LAMP2: variants seen among roughly 807,000 people sequenced by gnomAD.
LAMP2 encodes lysosome-associated membrane glycoprotein 2.
Under a neutral mutation model 25.6 loss-of-function variants are expected in LAMP2, and 4 were observed. That is an observed-to-expected ratio of 0.16 (90% CI 0.08 to 0.36). The LOEUF is 0.36. Ranked by LOEUF, LAMP2 falls within the 10% of genes least tolerant of loss-of-function variation. LAMP2 has a pLI of 1.00. For synonymous variants in LAMP2, 108 were observed against 112.7 expected (o/e 0.96, Z 0.27); for missense variants, 272 against 301.4 (o/e 0.90, Z 0.72).
chrX:120,439,658 C>T (rs1367877089), intron 8 of LAMP2, among the ~76,000 whole-genome samples: 1 of 109,102 alleles, frequency 9.2e-6, no homozygotes. Context: ...ATATAATGCA[C>T]ACATTATATA....
intron 8 of LAMP2, chrX:120,436,547 C>G: frequency 1.4e-6 from 1 of 731,880 alleles, no homozygotes; most frequent in Admixed American, 8.6e-5. Flanking sequence ...TTTGAGCAAA[C>G]AGACAGGCAA....
At position 120,429,240 on chromosome X, in the gene LAMP2, GTTGCAGTCCATTCCA is replaced by G. The variant is rs1163266130; in HGVS notation, c.*2068_*2082del. The G allele has an allele frequency of 4.0e-6, 3 of 745,167 alleles. No homozygotes were observed. The highest frequency in any genetic ancestry group is 4.7e-6 in the Non-Finnish European group (3 of 638,300). 61.4% of individuals were successfully genotyped at this position (745,167 alleles called of 1,213,427 possible). A position where few individuals can be genotyped will look rare whatever the true frequency, so the allele number is the denominator to read the frequency against. On this transcript the variant is annotated 3_prime_UTR_variant, in exon 9 of 9. Transcript: ENST00000200639. ...GAAGAATAACAGCAGTATCTAATGC[GTTGCAGTCCATTCCA>G]CCGAACCACCAGGAAAGCAACATGT...
intron 1 of LAMP2, 94 bp downstream of exon 1, chrX:120,469,012 C>A: frequency 1.0e-6 from 1 of 996,199 alleles, no homozygotes. Flanking sequence ...GCCTCTCAAC[C>A]CCCTCCCCCT....
chrX:120,426,941 C>T lies in LAMP2; in HGVS notation c.*4382G>A, dbSNP rs1356842381. ...TTTCTACTCCAGTTTTTGAGATGTA[C>T]ATGTTTTTGAGATGTACATATAGAG... is the stretch of plus-strand genomic sequence containing the variant. On this transcript the variant is annotated 3_prime_UTR_variant, in exon 9 of 9. Coordinates refer to ENST00000200639, the MANE Select transcript of LAMP2 (RefSeq NM_002294.3). Among the ~76,000 whole-genome samples the T allele has an allele frequency of 8.9e-6, 1 of 111,863 alleles. No homozygotes were observed. Among genetic ancestry groups the T allele is most frequent in the Admixed American group, 9.5e-5 (1 of 10,512 alleles).
At chrX:120,440,220 T>C (rs778250703) in intron 8 of LAMP2, among the ~76,000 whole-genome samples, 107 of 111,672 alleles carry the variant, frequency 9.6e-4, no homozygotes, top group Non-Finnish European at 1.5e-3. Context: ...ACTTAGTACA[T>C]ACAATTTTAG....
At chrX:120,457,688 T>C (rs1334209920) in intron 1 of LAMP2, among the ~76,000 whole-genome samples, 2 of 112,418 alleles carry the variant, frequency 1.8e-5, no homozygotes, top group Non-Finnish European at 3.8e-5. Flanking sequence ...AAAATACTAA[T>C]TCAGAGGAGA....
intron 8 of LAMP2, chrX:120,439,122 CTTTTG>C: frequency 8.3e-7 from 1 of 1,208,669 alleles, no homozygotes; most frequent in South Asian, 1.8e-5. Flanking sequence ...TTGCTTTTTT[CTTTTG>C]TAACAGAGAT....
At chrX:120,453,864 C>T (rs746635496) in intron 3 of LAMP2, among the ~76,000 whole-genome samples, 3 of 112,257 alleles carry the variant, frequency 2.7e-5, no homozygotes, top group Non-Finnish European at 3.8e-5. Flanking sequence ...TATTTTAACA[C>T]GCATTTCAGT....
intron 8 of LAMP2, chrX:120,437,746 A>G: frequency 1.6e-5 from 12 of 748,705 alleles, no homozygotes; most frequent in Non-Finnish European, 1.9e-5. Flanking sequence ...AAGCCAAATT[A>G]GTGATGTTGT....
At chrX:120,434,382 A>C (rs910309353) in intron 8 of LAMP2, among the ~76,000 whole-genome samples, 1 of 112,028 alleles carries the variant, frequency 8.9e-6, no homozygotes, top group Non-Finnish European at 1.9e-5. Flanking sequence ...CATTTACTTA[A>C]AATGCTCTCA....
intron 1 of LAMP2, among the ~76,000 whole-genome samples, chrX:120,466,398 G>A (rs1171335008): frequency 3.6e-5 from 4 of 112,165 alleles, no homozygotes; most frequent in Non-Finnish European, 7.5e-5. Flanking sequence ...ATTAACAGAT[G>A]CCTTGGTCAG....
chrX:120,431,290 T>C lies in LAMP2; in HGVS notation c.*33A>G, dbSNP rs745798436. The C allele has an allele frequency of 3.1e-5, 37 of 1,207,615 alleles. No homozygotes were observed. In the South Asian group the frequency reaches 6.2e-4, roughly 20 times the overall value. ...AGGTAAGAAAATCTTGTTATTTGCA[T>C]GTATTTTTATATAATCAATCAGGTT... On this transcript the variant is annotated 3_prime_UTR_variant, in exon 9 of 9. Transcript: ENST00000200639.
Position 120,430,841 on chromosome X carries a change from C to T in LAMP2, c.*482G>A. On this transcript the variant is annotated 3_prime_UTR_variant, in exon 9 of 9. Coordinates refer to ENST00000200639, the MANE Select transcript of LAMP2 (RefSeq NM_002294.3). ...ACCAAGTTTAAGCATATCTGATGGG[C>T]ATTTATACCACATCAATATTTATTT... 1 of 759,448 alleles carries T rather than the reference C, an allele frequency of 1.3e-6. No homozygotes were observed. Among genetic ancestry groups the T allele is most frequent in the Non-Finnish European group, 1.6e-6 (1 of 641,343 alleles). 62.6% of individuals were successfully genotyped at this position (759,448 alleles called of 1,213,427 possible). A position where few individuals can be genotyped will look rare whatever the true frequency, so the allele number is the denominator to read the frequency against.
intron 3 of LAMP2, among the ~76,000 whole-genome samples, chrX:120,454,952 T>C (rs984695531): frequency 2.3e-4 from 23 of 100,181 alleles, no homozygotes; most frequent in South Asian, 1.3e-3. Flanking sequence ...TATATATATA[T>C]ACACACACAC....
intron 3 of LAMP2, 77 bp from the exon 4 acceptor site, chrX:120,449,205 TTTC>T: frequency 2.4e-6 from 2 of 821,440 alleles, no homozygotes; most frequent in South Asian, 4.7e-5. Context: ...TTGTATAGGC[TTTC>T]TTCTTCTCTC....
intron 8 of LAMP2, among the ~76,000 whole-genome samples, chrX:120,435,913 A>T (rs2058540774): frequency 9.0e-6 from 1 of 111,617 alleles, no homozygotes; most frequent in African/African-American, 3.3e-5. Flanking sequence ...GATCTAAGTA[A>T]GAGAGAGACT....
rs908795462 is a variant in LAMP2, at chrX:120,431,087, T to C, written c.*236A>G. ...AAGATAGACCTTAAAACATTGCACG[T>C]TGATGTTCTTTTGAACAAGTTTGTC... On this transcript the variant is annotated 3_prime_UTR_variant, in exon 9 of 9. Coordinates refer to ENST00000200639, the MANE Select transcript of LAMP2 (RefSeq NM_002294.3). The C allele has an allele frequency of 4.0e-6, 4 of 997,613 alleles. No individual in the cohort carries two copies. The African/African-American group carries it at 7.8e-5, about 20-fold the overall frequency. 82.2% of individuals were successfully genotyped at this position (997,613 alleles called of 1,213,427 possible). A position where few individuals can be genotyped will look rare whatever the true frequency, so the allele number is the denominator to read the frequency against.
At chrX:120,446,269 GA>G (rs1409570058) in intron 6 of LAMP2, 35 bp downstream of exon 6, 2 of 1,180,035 alleles carry the variant, frequency 1.7e-6, no homozygotes, top group African/African-American at 3.6e-5. Context: ...GTGTTTCTAA[GA>G]GAATGAACCT....
intron 4 of LAMP2, 68 bp downstream of exon 4, chrX:120,448,902 A>G (rs2058609480): frequency 1.0e-6 from 1 of 1,004,453 alleles, no homozygotes; most frequent in Non-Finnish European, 1.4e-6. Context: ...AATGACTTCA[A>G]TGAAAGCTAC....
Sources: allele counts gnomAD v4.1 joint callset (sites outside exome capture counted in the v4.1 genomes callset), GRCh38; gene constraint gnomAD v4.1.1; transcripts MANE v1.5; gene names NCBI Gene and HGNC (gene_info 2026-07-23, HGNC 2026-07-21).